Variants in FAM167A observed in about 807,000 individuals in gnomAD.
FAM167A encodes the protein protein FAM167A.
A neutral mutation model predicts 14.9 loss-of-function variants in FAM167A; 23 were observed. The ratio of observed to expected loss-of-function variants is 1.55; its 90% CI spans 1.11 to 2.19. The LOEUF is 2.19. Among genes scored for constraint, FAM167A ranks in the 30% most tolerant of loss-of-function variants. FAM167A has a pLI of 0.00. For missense variants in FAM167A, 401 were observed against 281.5 expected, an observed-to-expected ratio of 1.42 and a Z score of -3.04; for synonymous variants, 174 against 117.7, an observed-to-expected ratio of 1.48 and a Z score of -3.10.
chr8:11,447,101 G>A (rs768422280), intron 1 of FAM167A, among the ~76,000 whole-genome samples: 26 of 152,258 alleles, frequency 1.7e-4, no homozygotes, highest in Non-Finnish European at 3.4e-4. Flanking sequence ...ACTGCTGGGT[G>A]AGGGGCTCCT....
In FAM167A at chr8:11,421,672, T is replaced by G. The variant is rs1804737563; in HGVS notation, c.*2701A>C. 2.5e-6 allele frequency: 1 copy of G among 398,892 alleles called. No homozygotes were observed. Among genetic ancestry groups the G allele is most frequent in the Non-Finnish European group, 4.4e-6 (1 of 226,070 alleles). 24.7% of individuals were successfully genotyped at this position (398,892 alleles called of 1,614,324 possible). A position where few individuals can be genotyped will look rare whatever the true frequency, so the allele number is the denominator to read the frequency against. On this transcript the variant is annotated 3_prime_UTR_variant, in exon 3 of 3. Transcript: ENST00000284486. ...AGCCTGCCCAGGCCCTCCAGGCCTC[T>G]TTGATAGCTACTGAGCCCCTGAAGG...
chr8:11,444,249 C>T lies in FAM167A; in HGVS notation c.163G>A (p.Glu55Lys). ...GGCCTCGGGAAGGGCCAGGTATGCT[C>T]CTCCAGCCTGGCCTGCCATTCCAGG... is the stretch of plus-strand genomic sequence containing the variant. ...SYLEWQARLE[E>K]HTWPFPRPAA... Residue 55 changes from glutamate (E) to lysine (K), a missense_variant, in exon 2 of 3, where the codon GAG (glutamate) becomes AAG (lysine). Coordinates refer to ENST00000284486, the MANE Select transcript of FAM167A (RefSeq NM_053279.3). The T allele has an allele frequency of 6.2e-7, 1 of 1,611,390 alleles. No individual in the cohort carries two copies. Among genetic ancestry groups the T allele is most frequent in the Non-Finnish European group, 8.5e-7 (1 of 1,179,722 alleles).
intron 1 of FAM167A, among the ~76,000 whole-genome samples, chr8:11,461,923 C>G (rs1031405518): frequency 3.9e-5 from 6 of 152,218 alleles, no homozygotes; most frequent in South Asian, 2.1e-4. Flanking sequence ...GGGTCCTGAC[C>G]TCTCAGGGGC....
chr8:11,438,335 A>G (rs1806184858), intron 2 of FAM167A: 1 of 425,348 alleles, frequency 2.4e-6, no homozygotes, highest in African/African-American at 2.0e-5. Flanking sequence ...AGCAGCCCCA[A>G]CTCATCAGCT....
intron 2 of FAM167A, among the ~76,000 whole-genome samples, chr8:11,441,192 C>G (rs115232769): frequency 7.9e-5 from 12 of 152,246 alleles, no homozygotes; most frequent in African/African-American, 2.9e-4. Context: ...GCCCATTCAC[C>G]GAAGGAGCCC....
chr8:11,439,219 A>G (rs1806267421), intron 2 of FAM167A, among the ~76,000 whole-genome samples: 1 of 152,270 alleles, frequency 6.6e-6, no homozygotes, highest in African/African-American at 2.4e-5. Context: ...AGATGGGAAT[A>G]GCAAATACTT....
At chr8:11,442,712 AG>A (rs1198315406) in intron 2 of FAM167A, among the ~76,000 whole-genome samples, 2 of 151,920 alleles carry the variant, frequency 1.3e-5, no homozygotes, top group Non-Finnish European at 2.9e-5. Context: ...CAAGAGCACC[AG>A]GGGTGATAGA....
chr8:11,433,588 C>A (rs1805769782), intron 2 of FAM167A, among the ~76,000 whole-genome samples: 1 of 152,162 alleles, frequency 6.6e-6, no homozygotes. Flanking sequence ...GCACAGGGGC[C>A]AACCAGAGGC....
At position 11,421,727 on chromosome 8, in the gene FAM167A, C is replaced by G. The variant is rs898227011; in HGVS notation, c.*2646G>C. ...AAGACATGACCACGCATGGCAGTGT[C>G]GGTGGAGAGTTTGCGTTTTACACCC... On this transcript the variant is annotated 3_prime_UTR_variant, in exon 3 of 3. Coordinates refer to ENST00000284486, the MANE Select transcript of FAM167A (RefSeq NM_053279.3). 1.8e-5 allele frequency: 7 copies of G among 398,928 alleles called. No individual in the cohort carries two copies. The highest frequency in any genetic ancestry group is 3.1e-5 in the Non-Finnish European group (7 of 226,086). 24.7% of individuals were successfully genotyped at this position (398,928 alleles called of 1,614,324 possible).
At chr8:11,434,429 C>G (rs1002335946) in intron 2 of FAM167A, among the ~76,000 whole-genome samples, 4 of 152,144 alleles carry the variant, frequency 2.6e-5, no homozygotes, top group Non-Finnish European at 5.9e-5. Context: ...ATGAGTCCAT[C>G]TGAGCCAGGC....
intron 2 of FAM167A, among the ~76,000 whole-genome samples, chr8:11,435,971 G>T (rs1013198063): frequency 1.3e-5 from 2 of 152,156 alleles, no homozygotes; most frequent in African/African-American, 4.8e-5. Flanking sequence ...CTTCCCATGT[G>T]GCGCTTGCCC....
At chr8:11,424,995 G>A (rs1431417163) in intron 2 of FAM167A, among the ~76,000 whole-genome samples, 1 of 152,174 alleles carries the variant, frequency 6.6e-6, no homozygotes, top group Non-Finnish European at 1.5e-5. Flanking sequence ...AAATTCAGGA[G>A]GATGGTTGCC....
intron 2 of FAM167A, among the ~76,000 whole-genome samples, chr8:11,432,260 T>G (rs10448145): frequency 0.34 from 51,081 of 152,062 alleles, 10,079 homozygotes; most frequent in East Asian, 0.68. Context: ...AAAAAGGACA[T>G]GTACTATCAT....
intron 1 of FAM167A, among the ~76,000 whole-genome samples, chr8:11,463,190 A>G (rs1334883137): frequency 6.6e-6 from 1 of 152,266 alleles, no homozygotes; most frequent in Non-Finnish European, 1.5e-5. Context: ...CCAAGTTTTC[A>G]GTGGCTGCTA....
chr8:11,435,326 A>G (rs1466694140), intron 2 of FAM167A, among the ~76,000 whole-genome samples: 1 of 152,064 alleles, frequency 6.6e-6, no homozygotes, highest in African/African-American at 2.4e-5. Context: ...GGCCTCCACC[A>G]TGGCACCCAC....
chr8:11,424,584 C>A lies in FAM167A; in HGVS notation c.434G>T (p.Arg145Leu). ...QQLARQLMRL[R>L]GDINKLKIEH... Reference sequence around the variant, plus strand: ...GATTTTCAGCTTGTTGATGTCGCCACGCAGGCGCATGAGCTGTCTGGCCAG... The same window carrying A: ...GATTTTCAGCTTGTTGATGTCGCCAAGCAGGCGCATGAGCTGTCTGGCCAG... Residue 145 changes from arginine (R) to leucine (L), a missense_variant, in exon 3 of 3, where the codon CGT (arginine) becomes CTT (leucine). Arg to Leu is a moderately radical substitution (Grantham distance 102). Transcript: ENST00000284486. 1 of 1,614,060 alleles carries A rather than the reference C, an allele frequency of 6.2e-7. No homozygotes were observed. The highest frequency in any genetic ancestry group is 1.1e-5 in the South Asian group (1 of 91,070).
intron 2 of FAM167A, among the ~76,000 whole-genome samples, chr8:11,426,616 A>T (rs1405001211): frequency 6.6e-6 from 1 of 152,154 alleles, no homozygotes; most frequent in African/African-American, 2.4e-5. Flanking sequence ...CTTTCCTCAA[A>T]GATGATTTTG....
At chr8:11,438,306 C>G (rs1010492961) in intron 2 of FAM167A, 3 of 403,942 alleles carry the variant, frequency 7.4e-6, no homozygotes, top group Non-Finnish European at 1.5e-5. Context: ...CGGTTGGGGT[C>G]AGCTGCAGCT....
intron 2 of FAM167A, among the ~76,000 whole-genome samples, chr8:11,426,829 C>G (rs901810069): frequency 1.3e-5 from 2 of 152,190 alleles, no homozygotes; most frequent in Admixed American, 6.5e-5. Flanking sequence ...CTTAGTCTGG[C>G]TCACTGAATC....
Sources: gnomAD v4.1 joint callset for allele counts (sites outside exome capture counted in the v4.1 genomes callset) on GRCh38, gnomAD v4.1.1 for gene constraint, MANE v1.5 for transcripts, NCBI Gene and HGNC (gene_info 2026-07-23, HGNC 2026-07-21) for gene names.